Variants in CAMK2A observed in about 807,000 individuals in gnomAD.
CAMK2A encodes the protein calcium/calmodulin dependent protein kinase II alpha, also known as calcium/calmodulin-dependent protein kinase type II subunit alpha.
A neutral mutation model predicts 79.2 loss-of-function variants in CAMK2A; 7 were observed. The ratio of observed to expected loss-of-function variants is 0.09; its 90% CI spans 0.05 to 0.17. The LOEUF is 0.17. Among genes scored for constraint, CAMK2A ranks in the 10% least tolerant of loss-of-function variants. The probability of loss-of-function intolerance (pLI) is 1.00; values close to 1 mark genes in which losing one functional copy is unlikely to be tolerated. For synonymous variants in CAMK2A, 242 were observed against 251.7 expected (o/e 0.96, Z 0.36); for missense variants, 214 against 646.4 (o/e 0.33, Z 7.25).
intron 3 of CAMK2A, among the ~76,000 whole-genome samples, chr5:150,263,268 A>G (rs539770492): frequency 6.6e-6 from 1 of 152,284 alleles, no homozygotes; most frequent in East Asian, 1.9e-4. Context: ...TGGGAATGAG[A>G]GGGAGAGGGA....
At chr5:150,246,106 G>C (rs1429757075) in intron 12 of CAMK2A, among the ~76,000 whole-genome samples, 1 of 152,232 alleles carries the variant, frequency 6.6e-6, no homozygotes, top group African/African-American at 2.4e-5. Context: ...GGCCTTGAGA[G>C]GGGGAGTTGG....
At chr5:150,286,393 A>G (rs1004440377) in intron 1 of CAMK2A, among the ~76,000 whole-genome samples, 2 of 152,198 alleles carry the variant, frequency 1.3e-5, no homozygotes, top group Non-Finnish European at 1.5e-5. Flanking sequence ...GGAGAAGAGC[A>G]GCTACTCTCA....
intron 3 of CAMK2A, among the ~76,000 whole-genome samples, chr5:150,264,465 TC>T (rs1756422361): frequency 6.6e-6 from 1 of 152,222 alleles, no homozygotes; most frequent in Non-Finnish European, 1.5e-5. Context: ...CTGCCCTGGC[TC>T]TGTCCCAGCC....
chr5:150,242,181 G>A (rs1755377319), intron 13 of CAMK2A, among the ~76,000 whole-genome samples: 1 of 152,200 alleles, frequency 6.6e-6, no homozygotes, highest in Admixed American at 6.5e-5. Flanking sequence ...GTGATAGAAA[G>A]ACTTAACTTC....
intron 2 of CAMK2A, among the ~76,000 whole-genome samples, chr5:150,272,042 A>C (rs1026202682): frequency 1.3e-5 from 2 of 152,152 alleles, no homozygotes; most frequent in African/African-American, 4.8e-5. Flanking sequence ...CACACCCCAG[A>C]CCAACTCTCT....
intron 15 of CAMK2A, among the ~76,000 whole-genome samples, chr5:150,236,408 G>A (rs1755062509): frequency 6.6e-6 from 1 of 152,218 alleles, no homozygotes; most frequent in Non-Finnish European, 1.5e-5. Flanking sequence ...TGATTAAATA[G>A]CTTCTCTGGG....
At chr5:150,245,271 G>T in intron 12 of CAMK2A, 70 bp from the exon 13 acceptor site, 2 of 1,495,694 alleles carry the variant, frequency 1.3e-6, no homozygotes, top group Non-Finnish European at 9.3e-7. Flanking sequence ...GCGAGGACGA[G>T]CAGCATCCAC....
chr5:150,253,662 G>A (rs1306597559), intron 6 of CAMK2A, 116 bp from the exon 7 acceptor site: 18 of 854,024 alleles, frequency 2.1e-5, no homozygotes, highest in African/African-American at 6.7e-5. Context: ...CCGGCCCTCC[G>A]GGGCCCCTGC....
At chr5:150,262,721 C>T (rs1298700033) in intron 3 of CAMK2A, among the ~76,000 whole-genome samples, 1 of 152,164 alleles carries the variant, frequency 6.6e-6, no homozygotes, top group African/African-American at 2.4e-5. Context: ...CTTTACTTAA[C>T]GCTATCTCAT....
At chr5:150,266,094 C>G (rs1040476544) in intron 2 of CAMK2A, among the ~76,000 whole-genome samples, 4 of 152,154 alleles carry the variant, frequency 2.6e-5, no homozygotes, top group African/African-American at 9.7e-5. Context: ...ACCAGGGACA[C>G]AGAGAGCCCC....
intron 3 of CAMK2A, among the ~76,000 whole-genome samples, chr5:150,258,938 G>A (rs1480585282): frequency 2.6e-5 from 4 of 152,270 alleles, no homozygotes; most frequent in African/African-American, 4.8e-5. Context: ...CCAGCACTTT[G>A]GGAGGCCGAA....
chr5:150,262,917 T>C (rs533316978), intron 3 of CAMK2A, among the ~76,000 whole-genome samples: 36 of 152,222 alleles, frequency 2.4e-4, no homozygotes, highest in African/African-American at 7.7e-4. Context: ...ATATATAATA[T>C]AGTGCCTCCA....
intron 6 of CAMK2A, among the ~76,000 whole-genome samples, chr5:150,255,650 A>G (rs964931631): frequency 1.3e-5 from 2 of 152,200 alleles, no homozygotes; most frequent in Non-Finnish European, 2.9e-5. Flanking sequence ...GGGCTACCCC[A>G]TGGGAAGTGA....
chr5:150,242,079 G>A (rs2114047429), intron 13 of CAMK2A, among the ~76,000 whole-genome samples: 1 of 152,344 alleles, frequency 6.6e-6, no homozygotes, highest in South Asian at 2.1e-4. Context: ...GACACCAACA[G>A]GGGCAGTGAG....
At position 150,220,266 on chromosome 5, in the gene CAMK2A, G is replaced by A. The variant is rs1246851135; in HGVS notation, c.*2444C>T. 1 of 152,280 alleles carries A rather than the reference G, an allele frequency of 6.6e-6. No homozygotes were observed. The highest frequency in any genetic ancestry group is 2.4e-5 in the African/African-American group (1 of 41,462). The allele number at this position is 152,280 out of a possible 1,614,324, so 9.4% of individuals were successfully genotyped here. On this transcript the variant is annotated 3_prime_UTR_variant, in exon 19 of 19. Coordinates refer to ENST00000671881, the MANE Select transcript of CAMK2A (RefSeq NM_015981.4). ...AGTCTGGTCAGAGCTGGGAATTGAA[G>A]CCTACTCACCCCAAATCACTGCTCT... is the stretch of plus-strand genomic sequence containing the variant.
intron 7 of CAMK2A, among the ~76,000 whole-genome samples, chr5:150,253,174 G>A (rs73281772): frequency 0.036 from 5,430 of 152,280 alleles, 312 homozygotes; most frequent in African/African-American, 0.12. Flanking sequence ...GGGGAGGAGA[G>A]ATGGCGGAGG....
At chr5:150,270,666 G>A (rs972908088) in intron 2 of CAMK2A, among the ~76,000 whole-genome samples, 5 of 146,802 alleles carry the variant, frequency 3.4e-5, no homozygotes, top group South Asian at 2.2e-4. Flanking sequence ...CTCCTCTCCC[G>A]CTGGGAAGAA....
intron 12 of CAMK2A, among the ~76,000 whole-genome samples, chr5:150,246,493 A>T (rs1398169345): frequency 2.0e-5 from 3 of 152,120 alleles, no homozygotes; most frequent in African/African-American, 7.2e-5. Flanking sequence ...AAATTTCCTA[A>T]TTTTTAAGTG....
intron 13 of CAMK2A, among the ~76,000 whole-genome samples, chr5:150,244,899 C>T (rs1011347032): frequency 2.0e-5 from 3 of 152,166 alleles, no homozygotes; most frequent in African/African-American, 4.8e-5. Flanking sequence ...CCTTTCCTTG[C>T]GCCTGCCCCC....
Sources: allele counts gnomAD v4.1 joint callset (sites outside exome capture counted in the v4.1 genomes callset), GRCh38; gene constraint gnomAD v4.1.1; transcripts MANE v1.5; gene names NCBI Gene and HGNC (gene_info 2026-07-23, HGNC 2026-07-21).